CREB3L2: variants seen among roughly 807,000 people sequenced by gnomAD.
CREB3L2 encodes cyclic AMP-responsive element-binding protein 3-like protein 2.
Under a neutral mutation model 57.2 loss-of-function variants are expected in CREB3L2, and 23 were observed. The observed-to-expected ratio is 0.40, with a 90% CI of 0.29 to 0.57. The LOEUF (loss-of-function observed/expected upper bound fraction) is 0.57, where lower values mean the gene tolerates loss of function less well. Ranked by LOEUF, CREB3L2 falls within the 20% of genes least tolerant of loss-of-function variation. The pLI, the probability that CREB3L2 is intolerant of heterozygous loss-of-function variation, is 0.42. For synonymous variants in CREB3L2, 268 were observed against 265.1 expected (o/e 1.01, Z -0.11); for missense variants, 628 against 634.7 (o/e 0.99, Z 0.11).
At chr7:137,891,579 T>C (rs1799528780) in intron 8 of CREB3L2, among the ~76,000 whole-genome samples, 1 of 151,804 alleles carries the variant, frequency 6.6e-6, no homozygotes, top group Admixed American at 6.6e-5. Context: ...AGACATACTT[T>C]CTTTTTTTTT....
chr7:138,000,620 A>T (rs1365317126), intron 1 of CREB3L2, among the ~76,000 whole-genome samples: 1 of 152,114 alleles, frequency 6.6e-6, no homozygotes, highest in African/African-American at 2.4e-5. Flanking sequence ...TACTGACCCC[A>T]TTAAAAAAGC....
intron 8 of CREB3L2, 111 bp from the exon 9 acceptor site, chr7:137,885,613 G>T: frequency 1.3e-6 from 1 of 778,446 alleles, no homozygotes. Context: ...CATTTCAACA[G>T]AGCCCCAAGG....
chr7:137,916,898 C>T lies in CREB3L2; in HGVS notation c.320-886G>A, dbSNP rs543301116. On this transcript the variant is annotated intron_variant, in intron 2 of 11. Transcript: ENST00000330387. Reference sequence around the variant, plus strand: ...ATGAGAGAACATGGTGAGTAGGTCTCTCTCTCCTTCTCTCCAAAGGAAAGT... The same window carrying T: ...ATGAGAGAACATGGTGAGTAGGTCTTTCTCTCCTTCTCTCCAAAGGAAAGT... Among the ~76,000 whole-genome samples, 5 of 152,286 alleles carry T rather than the reference C, an allele frequency of 3.3e-5. No individual in the cohort carries two copies. The South Asian group carries it at 1.0e-3, about 32-fold the overall frequency.
chr7:137,957,956 G>GT (rs1800432855), intron 1 of CREB3L2: 1 of 369,752 alleles, frequency 2.7e-6, no homozygotes. Context: ...CAGGAACATT[G>GT]TGTCTGGCGT....
chr7:137,972,697 A>AC (rs1563270043), intron 1 of CREB3L2, among the ~76,000 whole-genome samples: 7 of 38,748 alleles, frequency 1.8e-4, no homozygotes, highest in African/African-American at 8.2e-4. Context: ...AAAAAAAAAA[A>AC]AAAAAAAAAA....
chr7:137,906,476 A>G lies in CREB3L2; in HGVS notation c.769-628T>C, dbSNP rs531022668. On this transcript the variant is annotated intron_variant, in intron 5 of 11. Transcript: ENST00000330387. ...TTATAATTAATCAAACAGAGTCCCT[A>G]TTGCATTTTAGCTCCATACTAAATG... Among the ~76,000 whole-genome samples the G allele has an allele frequency of 2.6e-5, 4 of 152,336 alleles. No homozygotes were observed. The South Asian group carries it at 8.3e-4, about 32-fold the overall frequency.
intron 4 of CREB3L2, among the ~76,000 whole-genome samples, chr7:137,910,351 G>A (rs1799980336): frequency 6.6e-6 from 1 of 151,834 alleles, no homozygotes; most frequent in Non-Finnish European, 1.5e-5. Flanking sequence ...TCTTGCCAAA[G>A]AGGTCCCTGG....
intron 1 of CREB3L2, among the ~76,000 whole-genome samples, chr7:137,941,464 T>A (rs1800878489): frequency 6.6e-6 from 1 of 152,220 alleles, no homozygotes; most frequent in Non-Finnish European, 1.5e-5. Flanking sequence ...TCCTGCATGT[T>A]CCTTCCTCTC....
intron 1 of CREB3L2, chr7:137,955,115 T>C: frequency 2.5e-6 from 1 of 393,626 alleles, no homozygotes; most frequent in South Asian, 1.9e-5. Context: ...AATCACTCTC[T>C]TGACCCCTAA....
chr7:137,987,419 A>G lies in CREB3L2; in HGVS notation c.102+14185T>C, dbSNP rs564262537. On this transcript the variant is annotated intron_variant, in intron 1 of 11. Transcript: ENST00000330387. ...AAAAACAAAAAACAAAAAACAGGAT[A>G]CAGTCTTCGGTGTTCAAGGCTTTTG... Among the ~76,000 whole-genome samples, 3 of 152,364 alleles carry G rather than the reference A, an allele frequency of 2.0e-5. No individual in the cohort carries two copies. In the Middle Eastern group the frequency reaches 0.01, roughly 518 times the overall value.
intron 7 of CREB3L2, among the ~76,000 whole-genome samples, chr7:137,902,303 C>A (rs1311667573): frequency 1.3e-5 from 2 of 151,970 alleles, no homozygotes; most frequent in Admixed American, 1.3e-4. Context: ...CAACCTCTTT[C>A]CTCTCACCTC....
Position 137,928,306 on chromosome 7 carries a change from G to C in CREB3L2, c.163C>G (p.Pro55Ala). 1 of 1,614,162 alleles carries C rather than the reference G, an allele frequency of 6.2e-7. No individual in the cohort carries two copies. The change falls in exon 2 of 12, where the codon CCT (proline) becomes GCT (alanine). Residue 55 changes from proline (P) to alanine (A), a missense_variant. Coordinates refer to ENST00000330387, the MANE Select transcript of CREB3L2 (RefSeq NM_194071.4). Reference sequence around the variant, plus strand: ...GACACACTCTTCTCTGAGAGGAAAGGATCATTCAGGAGCTGACCCAAGACG... The same window carrying C: ...GACACACTCTTCTCTGAGAGGAAAGCATCATTCAGGAGCTGACCCAAGACG... ...QNVLGQLLND[P>A]FLSEKSVSME...
At chr7:137,953,768 T>A (rs533333736) in intron 1 of CREB3L2, among the ~76,000 whole-genome samples, 4 of 152,270 alleles carry the variant, frequency 2.6e-5, no homozygotes, top group African/African-American at 9.6e-5. Context: ...AACCGCTTGA[T>A]GCAAACTAGT....
At chr7:137,988,587 A>G (rs143005043) in intron 1 of CREB3L2, among the ~76,000 whole-genome samples, 2 of 152,316 alleles carry the variant, frequency 1.3e-5, no homozygotes, top group African/African-American at 2.4e-5. Context: ...TCAGAAGAAT[A>G]AAGAGAGGAA....
intron 8 of CREB3L2, among the ~76,000 whole-genome samples, chr7:137,891,427 G>C (rs1246342109): frequency 6.6e-6 from 1 of 152,124 alleles, no homozygotes; most frequent in Admixed American, 6.5e-5. Flanking sequence ...AATGAGAACA[G>C]TCATACAGTT....
chr7:137,916,770 A>AAGAGTG (rs373859888), intron 2 of CREB3L2, among the ~76,000 whole-genome samples: 48 of 151,916 alleles, frequency 3.2e-4, no homozygotes, highest in African/African-American at 1.0e-3. Context: ...GAGAGAAAGC[A>AAGAGTG]AGAGTGAGAG....
chr7:137,955,859 A>G (rs556062041), intron 1 of CREB3L2, among the ~76,000 whole-genome samples: 2 of 152,310 alleles, frequency 1.3e-5, no homozygotes, highest in African/African-American at 2.4e-5. Context: ...TCATGCAAAA[A>G]TTCAAAAAAT....
Position 137,880,454 on chromosome 7 carries a change from G to C in CREB3L2, c.*22C>G, listed in dbSNP as rs748482110. On this transcript the variant is annotated 3_prime_UTR_variant, in exon 12 of 12. Transcript: ENST00000330387. This position sits in a 1 kb window ranked among gnomAD's most constrained non-coding sequence, Gnocchi z 4.0. ...ATGTAAAAGTAGAGTTAAGGGAAAG[G>C]GAGGGGGTGCAGGCAGCCTCTTTAG... 9 of 1,598,604 alleles carry C rather than the reference G, an allele frequency of 5.6e-6. No individual in the cohort carries two copies. The highest frequency in any genetic ancestry group is 7.7e-6 in the Non-Finnish European group (9 of 1,166,950).
In CREB3L2 at chr7:137,938,449, G is replaced by A. The variant is rs954987730; in HGVS notation, c.103-10083C>T. ...CAACCTCCACCTCCTGGGTTCAAGCGATTCTCTTGCCTCAGTCTCCTGAGT... is the reference window on the plus strand; with the variant it reads ...CAACCTCCACCTCCTGGGTTCAAGCAATTCTCTTGCCTCAGTCTCCTGAGT... On this transcript the variant is annotated intron_variant, in intron 1 of 11. Transcript: ENST00000330387. Among the ~76,000 whole-genome samples, 7 of 152,110 alleles carry A rather than the reference G, an allele frequency of 4.6e-5. No individual in the cohort carries two copies. In the South Asian group the frequency reaches 8.3e-4, roughly 18 times the overall value.
Sources: gnomAD v4.1 joint callset for allele counts (sites outside exome capture counted in the v4.1 genomes callset) on GRCh38, gnomAD v4.1.1 for gene constraint, Gnocchi (gnomAD v3.1) non-coding constraint, MANE v1.5 for transcripts, NCBI Gene and HGNC (gene_info 2026-07-23, HGNC 2026-07-21) for gene names.